Variants in CATSPER3 observed in about 807,000 individuals in gnomAD.
The protein encoded by CATSPER3 is cation channel sperm associated 3, also known as cation channel sperm-associated protein 3.
In CATSPER3, 23 loss-of-function variants were observed where a neutral mutation model predicts 36.6. That is an observed-to-expected ratio of 0.63 (90% CI 0.45 to 0.89). The LOEUF (loss-of-function observed/expected upper bound fraction) is 0.89, where lower values mean the gene tolerates loss of function less well. Among genes scored for constraint, CATSPER3 ranks in the 40% least tolerant of loss-of-function variants. CATSPER3 has a pLI of 0.00. For synonymous variants in CATSPER3, 172 were observed against 184.1 expected (o/e 0.93, Z 0.53); for missense variants, 474 against 503.9 (o/e 0.94, Z 0.57).
chr5:134,987,894 T>G lies in CATSPER3; in HGVS notation c.253-8379T>G, dbSNP rs1474665028. ...TTCCCCCTAAAATTAGGAACAAGAC[T>G]AATATGACTGCTTTCACCACGATTT... On this transcript the variant is annotated intron_variant, in intron 2 of 7. Transcript: ENST00000282611. Among the ~76,000 whole-genome samples, 5 of 152,186 alleles carry G rather than the reference T, an allele frequency of 3.3e-5. No individual in the cohort carries two copies. In the East Asian group the frequency reaches 9.6e-4, roughly 29 times the overall value.
intron 1 of CATSPER3, chr5:134,969,700 T>G (rs1298536890): frequency 7.5e-6 from 4 of 530,870 alleles, no homozygotes; most frequent in Non-Finnish European, 1.4e-5. Context: ...TGGTGACCAT[T>G]CTTTTTCAGA....
intron 3 of CATSPER3, among the ~76,000 whole-genome samples, chr5:135,005,060 G>T (rs1752068179): frequency 6.6e-6 from 1 of 152,180 alleles, no homozygotes; most frequent in Non-Finnish European, 1.5e-5. Flanking sequence ...GGACCACACA[G>T]GGAGGAGGGA....
At chr5:134,977,935 A>G (rs967516221) in intron 2 of CATSPER3, among the ~76,000 whole-genome samples, 1 of 152,254 alleles carries the variant, frequency 6.6e-6, no homozygotes, top group East Asian at 1.9e-4. Flanking sequence ...GAACTGCCAC[A>G]CACTATTAAA....
chr5:134,984,754 A>G (rs1374888757), intron 2 of CATSPER3, among the ~76,000 whole-genome samples: 3 of 152,142 alleles, frequency 2.0e-5, no homozygotes, highest in Non-Finnish European at 4.4e-5. Flanking sequence ...CATTCAATCC[A>G]GCAATCCCAC....
At chr5:134,972,653 A>G (rs79705734) in intron 2 of CATSPER3, among the ~76,000 whole-genome samples, 3 of 152,286 alleles carry the variant, frequency 2.0e-5, no homozygotes, top group African/African-American at 7.2e-5. Context: ...GGAAAAAAAA[A>G]TCCAGTGTAA....
rs58353900 is a variant in CATSPER3, at chr5:135,003,460, A to G, written c.493-4497A>G. Among the ~76,000 whole-genome samples the G allele has an allele frequency of 4.6e-3, 701 of 152,314 alleles. 4 individuals carry two copies. The highest frequency in any genetic ancestry group is 0.016 in the African/African-American group (661 of 41,568). The stretch of plus-strand genomic sequence containing the variant: ...AGATCTCAAACTCCGTGCTGGGAGA[A>G]CCACTGCTCTCTTCAAAGCTGTCAG... On this transcript the variant is annotated intron_variant, in intron 3 of 7. Transcript: ENST00000282611.
At chr5:134,969,063 A>G (rs565665207) in intron 1 of CATSPER3, 3 of 152,230 alleles carry the variant, frequency 2.0e-5, no homozygotes, top group African/African-American at 7.2e-5. Context: ...ATGCATAGAC[A>G]TATTTTAGTG....
intron 5 of CATSPER3, 52 bp downstream of exon 5, chr5:135,009,033 G>A (rs759940635): frequency 6.2e-7 from 1 of 1,612,972 alleles, no homozygotes; most frequent in Non-Finnish European, 8.5e-7. Context: ...GGCAGATGGA[G>A]CTGTAGGGCA....
At chr5:134,998,790 A>G (rs909040632) in intron 3 of CATSPER3, among the ~76,000 whole-genome samples, 1 of 151,304 alleles carries the variant, frequency 6.6e-6, no homozygotes, top group Non-Finnish European at 1.5e-5. Context: ...TGTAAATTTA[A>G]GTTCTTTGAG....
intron 3 of CATSPER3, among the ~76,000 whole-genome samples, 184 bp downstream of exon 3, chr5:134,996,696 T>G (rs1208254850): frequency 6.6e-6 from 1 of 152,262 alleles, no homozygotes; most frequent in East Asian, 1.9e-4. Context: ...ATGGTATTAT[T>G]AGCTCCATTT....
At chr5:134,986,901 G>A (rs1751818730) in intron 2 of CATSPER3, among the ~76,000 whole-genome samples, 1 of 152,174 alleles carries the variant, frequency 6.6e-6, no homozygotes, top group African/African-American at 2.4e-5. Flanking sequence ...ACCTATAAAT[G>A]CTTGACATTA....
At chr5:134,988,651 A>G (rs992165590) in intron 2 of CATSPER3, among the ~76,000 whole-genome samples, 56 of 152,332 alleles carry the variant, frequency 3.7e-4, no homozygotes, top group African/African-American at 1.3e-3. Flanking sequence ...GTTTAGTCAC[A>G]TCTTCAAGCT....
At chr5:134,980,437 T>C (rs368750945) in intron 2 of CATSPER3, among the ~76,000 whole-genome samples, 72 of 145,876 alleles carry the variant, frequency 4.9e-4, no homozygotes, top group South Asian at 1.1e-3. Context: ...TTCTTTCTTT[T>C]TTTTTTTTTT....
rs1242118636 is a variant in CATSPER3, at chr5:134,986,455, AC to A, written c.253-9815del. Reference sequence around the variant, plus strand: ...CACTGTGCCTGGCCTTAAACAGCATACCCTTTTTTTTTTTTTTTTTTTTTGA... The same window carrying A: ...CACTGTGCCTGGCCTTAAACAGCATACCTTTTTTTTTTTTTTTTTTTTTGA... On this transcript the variant is annotated intron_variant, in intron 2 of 7. Coordinates refer to ENST00000282611, the MANE Select transcript of CATSPER3 (RefSeq NM_178019.3). Among the ~76,000 whole-genome samples, 10 of 120,208 alleles carry A rather than the reference AC, an allele frequency of 8.3e-5. No homozygotes were observed. The South Asian group carries it at 1.0e-3, about 12-fold the overall frequency. The allele number at this position is 120,208 out of a possible 152,430, so 78.9% of individuals were successfully genotyped here. A position where few individuals can be genotyped will look rare whatever the true frequency, so the allele number is the denominator to read the frequency against.
intron 3 of CATSPER3, among the ~76,000 whole-genome samples, chr5:135,006,234 T>A (rs1752084405): frequency 6.6e-6 from 1 of 152,196 alleles, no homozygotes; most frequent in Non-Finnish European, 1.5e-5. Context: ...CTAGCTGTCA[T>A]GGGTCCTTTA....
rs142494932 is a variant in CATSPER3, at chr5:135,009,435, A to G, written c.881A>G (p.Lys294Arg). 6.4e-3 allele frequency: 10,337 copies of G among 1,613,140 alleles called. 44 individuals are homozygous for G. Among genetic ancestry groups the G allele is most frequent in the Non-Finnish European group, 7.0e-3 (8,270 of 1,179,384 alleles). ...LEQQEMLMGE[K>R]QVILQRQQEE... ...CAGCAGGAGATGCTCATGGGAGAGAAGCAGGTGATTCTGCAGCGGCAGCAG... is the reference window on the plus strand; with the variant it reads ...CAGCAGGAGATGCTCATGGGAGAGAGGCAGGTGATTCTGCAGCGGCAGCAG... Residue 294 changes from lysine (K) to arginine (R), a missense_variant, in exon 6 of 8, where the codon AAG becomes AGG. By Grantham distance (26) the Lys-to-Arg change is conservative. Transcript: ENST00000282611.
At chr5:135,009,130 G>T in intron 5 of CATSPER3, 149 bp downstream of exon 5, 1 of 1,132,762 alleles carries the variant, frequency 8.8e-7, no homozygotes, top group Non-Finnish European at 1.3e-6. Context: ...TCCCTCACCC[G>T]GCCCAACTCT....
At chr5:134,970,641 G>A (rs1377820002) in intron 2 of CATSPER3, among the ~76,000 whole-genome samples, 2 of 137,392 alleles carry the variant, frequency 1.5e-5, no homozygotes, top group African/African-American at 5.5e-5. Context: ...GTGCTATCTT[G>A]GCTCACTGCA....
intron 3 of CATSPER3, among the ~76,000 whole-genome samples, chr5:135,002,218 A>G (rs1561463648): frequency 6.6e-6 from 1 of 152,134 alleles, no homozygotes; most frequent in South Asian, 2.1e-4. Flanking sequence ...TCCTTCACTT[A>G]TGAAGCTTAG....
Sources: allele counts gnomAD v4.1 joint callset (sites outside exome capture counted in the v4.1 genomes callset), GRCh38; gene constraint gnomAD v4.1.1; transcripts MANE v1.5; gene names NCBI Gene and HGNC (gene_info 2026-07-23, HGNC 2026-07-21).